Variants in AMPH observed in about 807,000 individuals in gnomAD.
AMPH encodes amphiphysin (Stiff-Mann syndrome with breast cancer 128kD autoantigen).
AMPH carries 49 observed loss-of-function variants against 99.1 expected under a neutral mutation model. That is an observed-to-expected ratio of 0.49 (90% CI 0.39 to 0.63). AMPH has a LOEUF of 0.63. AMPH is among the 20% of genes least tolerant of loss of function. AMPH has a pLI of 0.00. For synonymous variants in AMPH, 314 were observed against 317.3 expected (o/e 0.99, Z 0.11); for missense variants, 759 against 863.4 (o/e 0.88, Z 1.52).
At chr7:38,416,973 A>G (rs1007701166) in intron 17 of AMPH, among the ~76,000 whole-genome samples, 2 of 152,256 alleles carry the variant, frequency 1.3e-5, no homozygotes, top group African/African-American at 4.8e-5. Context: ...TTCTCTAGGT[A>G]TCTAATCTAG....
At chr7:38,585,770 T>A (rs1359541255) in intron 1 of AMPH, among the ~76,000 whole-genome samples, 1 of 152,254 alleles carries the variant, frequency 6.6e-6, no homozygotes, top group Non-Finnish European at 1.5e-5. Flanking sequence ...TTTTTCACCA[T>A]TTGAGTGTGG....
At chr7:38,534,266 A>G (rs1018108649) in intron 2 of AMPH, among the ~76,000 whole-genome samples, 7 of 152,172 alleles carry the variant, frequency 4.6e-5, no homozygotes. Flanking sequence ...CTCTTGAAGC[A>G]TGCAACAATT....
At chr7:38,432,738 T>C (rs1395741433) in intron 12 of AMPH, among the ~76,000 whole-genome samples, 1 of 152,164 alleles carries the variant, frequency 6.6e-6, no homozygotes, top group Non-Finnish European at 1.5e-5. Context: ...TTCAAGAGGA[T>C]GTAGGATGAC....
intron 17 of AMPH, among the ~76,000 whole-genome samples, chr7:38,398,498 T>C (rs1469742737): frequency 6.6e-6 from 1 of 151,872 alleles, no homozygotes; most frequent in Non-Finnish European, 1.5e-5. Flanking sequence ...AGTAAAACAA[T>C]TGAATTCATG....
rs1267673472 is a variant in AMPH at position 38,417,899 on chromosome 7, C to T, written c.1324G>A (p.Ala442Thr). The stretch of plus-strand genomic sequence containing the variant: ...AGACCAACGGCAGGTGTGACAGCAG[C>T]CAGAGGCTCCTCTGCTTTTGGCTCT... ...PTEPKAEEPL[A>T]AVTPAVGLDL... The change falls in exon 17 of 21, where the codon GCT (alanine) becomes ACT (threonine). Residue 442 changes from alanine to threonine, a missense_variant. Ala to Thr is a moderately conservative substitution (Grantham distance 58). Around this residue, in one of 2 missense-constraint regions of AMPH, gnomAD observed 554 missense variants for 575.6 expected, o/e 0.96. Coordinates refer to ENST00000356264, the MANE Select transcript of AMPH (RefSeq NM_001635.4). The T allele has an allele frequency of 6.2e-7, 1 of 1,613,996 alleles. No individual in the cohort carries two copies. The highest frequency in any genetic ancestry group is 8.5e-7 in the Non-Finnish European group (1 of 1,180,000).
chr7:38,500,060 T>C (rs1789079484), intron 3 of AMPH, among the ~76,000 whole-genome samples: 1 of 152,212 alleles, frequency 6.6e-6, no homozygotes, highest in Non-Finnish European at 1.5e-5. Context: ...ATTAGCAGCG[T>C]GAGAACGGAC....
intron 5 of AMPH, among the ~76,000 whole-genome samples, chr7:38,483,490 TG>T (rs1409781655): frequency 2.6e-5 from 4 of 152,092 alleles, no homozygotes; most frequent in Non-Finnish European, 5.9e-5. Flanking sequence ...ATACAACCTT[TG>T]GGGGCTTCCC....
chr7:38,409,750 T>C (rs369213347), intron 17 of AMPH, among the ~76,000 whole-genome samples: 2 of 152,204 alleles, frequency 1.3e-5, no homozygotes, highest in African/African-American at 2.4e-5. Flanking sequence ...TGGCAACGTC[T>C]GTTAGAACTA....
chr7:38,545,263 A>G (rs1363972467), intron 1 of AMPH, among the ~76,000 whole-genome samples: 1 of 152,120 alleles, frequency 6.6e-6, no homozygotes, highest in Non-Finnish European at 1.5e-5. Context: ...AACCTGACCA[A>G]ATCCCTCCAT....
chr7:38,532,897 AAAG>A (rs1790464312), intron 2 of AMPH, among the ~76,000 whole-genome samples: 1 of 152,232 alleles, frequency 6.6e-6, no homozygotes, highest in Non-Finnish European at 1.5e-5. Context: ...CTCCAAGAGC[AAAG>A]AATTAATTAG....
chr7:38,587,185 G>C (rs1013357732), intron 1 of AMPH, among the ~76,000 whole-genome samples: 1 of 152,100 alleles, frequency 6.6e-6, no homozygotes, highest in Non-Finnish European at 1.5e-5. Flanking sequence ...ACAAATCAAG[G>C]AGCTGTGGCC....
chr7:38,568,459 C>T (rs764928945), intron 1 of AMPH, among the ~76,000 whole-genome samples: 17 of 151,786 alleles, frequency 1.1e-4, no homozygotes, highest in South Asian at 4.2e-4. Flanking sequence ...AGCGAGACTC[C>T]GTCTCCAAAA....
intron 1 of AMPH, among the ~76,000 whole-genome samples, chr7:38,547,520 A>G (rs1012941734): frequency 6.6e-5 from 10 of 152,198 alleles, no homozygotes; most frequent in Admixed American, 6.5e-4. Flanking sequence ...CCTGCAGTTG[A>G]CAAAGGATAA....
At position 38,445,010 on chromosome 7, in the gene AMPH, T is replaced by TATATATATATATATATACACACACACAC. The variant is rs1458295332; in HGVS notation, c.1018-8623_1018-8622insGTGTGTGTGTGTATATATATATATATAT. On this transcript the variant is annotated intron_variant, in intron 11 of 20. Coordinates refer to ENST00000356264, the MANE Select transcript of AMPH (RefSeq NM_001635.4). The stretch of plus-strand genomic sequence containing the variant: ...ATATACATATATATATATATATATA[T>TATATATATATATATATACACACACACAC]ACACACACACACACGGTATATACAT... 9.5e-5 allele frequency among the ~76,000 whole-genome samples: 12 copies of TATATATATATATATATACACACACACAC among 125,972 alleles called. No individual in the cohort carries two copies. The South Asian group carries it at 1.7e-3, about 17-fold the overall frequency. The allele number at this position is 125,972 out of a possible 152,430, so 82.6% of individuals were successfully genotyped here.
intron 1 of AMPH, among the ~76,000 whole-genome samples, chr7:38,612,799 C>A (rs751080178): frequency 6.6e-6 from 1 of 152,152 alleles, no homozygotes; most frequent in Non-Finnish European, 1.5e-5. Flanking sequence ...TTATATACTA[C>A]GTGTTCAAAG....
chr7:38,435,951 C>T (rs185334690), intron 12 of AMPH, among the ~76,000 whole-genome samples: 3 of 152,286 alleles, frequency 2.0e-5, no homozygotes, highest in Admixed American at 2.0e-4. Context: ...AGAGCTTCAT[C>T]CAGGGAAACC....
intron 1 of AMPH, among the ~76,000 whole-genome samples, chr7:38,571,431 ATT>A (rs1238585235): frequency 5.1e-5 from 2 of 39,402 alleles, no homozygotes; most frequent in African/African-American, 1.0e-4. Context: ...TATATAGAAT[ATT>A]TATATAGAAT....
intron 1 of AMPH, among the ~76,000 whole-genome samples, chr7:38,565,878 T>C (rs1323539431): frequency 1.3e-5 from 2 of 152,170 alleles, no homozygotes; most frequent in Admixed American, 6.5e-5. Flanking sequence ...GTAAAACAGT[T>C]CCATTTAAAA....
Position 38,470,194 on chromosome 7 carries a change from T to C in AMPH, c.591-3946A>G, listed in dbSNP as rs147903802. Among the ~76,000 whole-genome samples the C allele has an allele frequency of 7.1e-3, 1,077 of 152,278 alleles. 19 individuals carry two copies. Among genetic ancestry groups the C allele is most frequent in the African/African-American group, 0.025 (1,036 of 41,558 alleles). ...TTCCACCTTTACCACAACTATGCCA[T>C]CTTCTCAAAATGACAAAAGTTATTT... On this transcript the variant is annotated intron_variant, in intron 7 of 20. Transcript: ENST00000356264.
Sources: allele counts gnomAD v4.1 joint callset (sites outside exome capture counted in the v4.1 genomes callset), GRCh38; gene constraint gnomAD v4.1.1; regional missense constraint gnomAD v4.1.1; transcripts MANE v1.5; gene names NCBI Gene and HGNC (gene_info 2026-07-23, HGNC 2026-07-21).